CFAP77: variants seen among roughly 807,000 people sequenced by gnomAD.
The protein encoded by CFAP77 is cilia and flagella associated protein 77, also known as cilia- and flagella-associated protein 77.
Under a neutral mutation model 31.1 loss-of-function variants are expected in CFAP77, and 25 were observed. The observed-to-expected ratio is 0.80, with a 90% CI of 0.59 to 1.12. The LOEUF is 1.12. Ranked by LOEUF, CFAP77 falls within the 50% of genes most tolerant of loss-of-function variation. The pLI is 0.00. For synonymous variants in CFAP77, 151 were observed against 159.9 expected (o/e 0.94, Z 0.42); for missense variants, 377 against 397.3 (o/e 0.95, Z 0.44).
chr9:132,451,834 T>C (rs1343356536), intron 1 of CFAP77, among the ~76,000 whole-genome samples: 1 of 150,504 alleles, frequency 6.6e-6, no homozygotes, highest in African/African-American at 2.4e-5. Flanking sequence ...AGAAGGAGTC[T>C]CACTCTGTCG....
Position 132,430,384 on chromosome 9 carries a change from T to A in CFAP77, c.195+19918T>A, listed in dbSNP as rs1589845771. Among the ~76,000 whole-genome samples, 2 of 152,292 alleles carry A rather than the reference T, an allele frequency of 1.3e-5. 1 individual carries two copies. Among genetic ancestry groups the A allele is most frequent in the Admixed American group, 1.3e-4 (2 of 15,302 alleles). On this transcript the variant is annotated intron_variant, in intron 1 of 5. Transcript: ENST00000393216. ...CTAAGATTTTTGCAAGCATTAGATGTCATAATAAACTGGTAAGGAACATTC... is the reference window on the plus strand; with the variant it reads ...CTAAGATTTTTGCAAGCATTAGATGACATAATAAACTGGTAAGGAACATTC...
chr9:132,458,355 G>GGGGGGGT (rs1850964954), intron 1 of CFAP77, among the ~76,000 whole-genome samples: 1 of 133,738 alleles, frequency 7.5e-6, no homozygotes, highest in Non-Finnish European at 1.5e-5. Flanking sequence ...GGGAGGGGGG[G>GGGGGGGT]GGGTGTGTAT....
At chr9:132,551,708 G>A (rs1262741954) in intron 5 of CFAP77, among the ~76,000 whole-genome samples, 1 of 152,246 alleles carries the variant, frequency 6.6e-6, no homozygotes, top group East Asian at 1.9e-4. Context: ...AGGCTCGGAA[G>A]CTTAAAGTCA....
chr9:132,486,317 C>T (rs1321643163), intron 1 of CFAP77, among the ~76,000 whole-genome samples: 1 of 151,262 alleles, frequency 6.6e-6, no homozygotes, highest in Admixed American at 6.6e-5. Flanking sequence ...TGGTCTCGAT[C>T]TCCAGACCTC....
Position 132,499,422 on chromosome 9 carries a change from C to G in CFAP77, c.346C>G (p.Leu116Val), listed in dbSNP as rs1395160014. ...FKQQPTCPHE[L>V]TRNYIAMNRG... ...GCAGCAGCCCACCTGCCCCCACGAG[C>G]TGACCCGGAATTATATCGCAATGAA... Residue 116 changes from leucine to valine, a missense_variant, in exon 3 of 6, where the codon CTG becomes GTG. Leu to Val is a conservative substitution (Grantham distance 32, BLOSUM62 1). Transcript: ENST00000393216. The surrounding 1 kb of genome is among the most constrained non-coding windows in gnomAD (Gnocchi z 5.4). The G allele has an allele frequency of 6.2e-7, 1 of 1,614,236 alleles. No individual in the cohort carries two copies. The highest frequency in any genetic ancestry group is 2.2e-5 in the East Asian group (1 of 44,880).
intron 1 of CFAP77, among the ~76,000 whole-genome samples, chr9:132,426,002 T>A (rs999483): frequency 2.0e-5 from 3 of 152,218 alleles, no homozygotes; most frequent in Admixed American, 2.0e-4. Context: ...TACATGAAAG[T>A]GACTTGTTCA....
chr9:132,546,996 C>T (rs1451571464), intron 5 of CFAP77, among the ~76,000 whole-genome samples: 1 of 152,228 alleles, frequency 6.6e-6, no homozygotes, highest in Admixed American at 6.5e-5. Context: ...CAGGGTGAGC[C>T]AGCAGGGGGA....
At chr9:132,420,197 G>A (rs1379810288) in intron 1 of CFAP77, among the ~76,000 whole-genome samples, 1 of 151,358 alleles carries the variant, frequency 6.6e-6, no homozygotes, top group African/African-American at 2.4e-5. Flanking sequence ...GGTGATGAGA[G>A]GCCAGAATGC....
chr9:132,531,281 C>T (rs1342170114), intron 3 of CFAP77, among the ~76,000 whole-genome samples: 2 of 152,314 alleles, frequency 1.3e-5, no homozygotes, highest in East Asian at 3.9e-4. Flanking sequence ...CAGTTCACAC[C>T]AGATATAAAC....
chr9:132,460,361 T>C (rs1167726292), intron 1 of CFAP77, among the ~76,000 whole-genome samples: 2 of 152,158 alleles, frequency 1.3e-5, no homozygotes, highest in African/African-American at 2.4e-5. Flanking sequence ...TCAAGAATGT[T>C]TGAACGTCCA....
intron 1 of CFAP77, among the ~76,000 whole-genome samples, chr9:132,436,348 C>T (rs551157030): frequency 1.3e-5 from 2 of 152,244 alleles, no homozygotes; most frequent in African/African-American, 2.4e-5. Context: ...GGGCACTTTT[C>T]GTTGAATTTA....
chr9:132,537,111 C>A (rs896043475), intron 3 of CFAP77, among the ~76,000 whole-genome samples: 1 of 152,022 alleles, frequency 6.6e-6, no homozygotes, highest in Non-Finnish European at 1.5e-5. Context: ...AGCTGAGGAG[C>A]CAAGGGAGGG....
At chr9:132,422,816 G>A (rs1850243622) in intron 1 of CFAP77, among the ~76,000 whole-genome samples, 1 of 152,168 alleles carries the variant, frequency 6.6e-6, no homozygotes, top group African/African-American at 2.4e-5. Context: ...GGCGGACAAA[G>A]GGATACACTC....
At chr9:132,529,520 C>CAAAAAAAAAAAACA (rs376224942) in intron 3 of CFAP77, among the ~76,000 whole-genome samples, 11 of 123,408 alleles carry the variant, frequency 8.9e-5, no homozygotes, top group African/African-American at 1.4e-4. Flanking sequence ...AAAAAAAAAA[C>CAAAAAAAAAAAACA]AAAAAAAAAA....
At position 132,502,265 on chromosome 9, in the gene CFAP77, A is replaced by ATATTT. The variant is rs1469260414; in HGVS notation, c.524+2666_524+2667insATTTT. On this transcript the variant is annotated intron_variant, in intron 3 of 5. Transcript: ENST00000393216. ...ACTGTGCCATCATATATATATATAT[A>ATATTT]TTTTTTTTTTTTGGGGGAGGGGGGT... 6.1e-4 allele frequency among the ~76,000 whole-genome samples: 51 copies of ATATTT among 83,884 alleles called. No homozygotes were observed. In the South Asian group the frequency reaches 8.3e-3, roughly 14 times the overall value. 55.0% of individuals were successfully genotyped at this position (83,884 alleles called of 152,430 possible).
At chr9:132,566,731 A>G (rs1238939212) in intron 5 of CFAP77, among the ~76,000 whole-genome samples, 3 of 152,118 alleles carry the variant, frequency 2.0e-5, no homozygotes, top group African/African-American at 7.2e-5. Context: ...CCCAGGCACT[A>G]AGCATCTCCT....
chr9:132,433,316 C>T (rs1850445195), intron 1 of CFAP77, among the ~76,000 whole-genome samples: 1 of 152,174 alleles, frequency 6.6e-6, no homozygotes, highest in Non-Finnish European at 1.5e-5. Flanking sequence ...TTCTGTTTGC[C>T]AGCCGTACTC....
At position 132,485,998 on chromosome 9, in the gene CFAP77, A is replaced by ATG. The variant is rs1564222861; in HGVS notation, c.196-12696_196-12695insGT. Among the ~76,000 whole-genome samples, 2 of 6,776 alleles carry ATG rather than the reference A, an allele frequency of 3.0e-4. 1 individual carries two copies. The highest frequency in any genetic ancestry group is 4.6e-4 in the Non-Finnish European group (2 of 4,366). The allele number at this position is 6,776 out of a possible 152,430, so 4.4% of individuals were successfully genotyped here. A position where few individuals can be genotyped will look rare whatever the true frequency, so the allele number is the denominator to read the frequency against. On this transcript the variant is annotated intron_variant, in intron 1 of 5. Coordinates refer to ENST00000393216, the MANE Select transcript of CFAP77 (RefSeq NM_001282957.2). The stretch of plus-strand genomic sequence containing the variant: ...GAACACACACCTCATATATATATAT[A>ATG]TATATATATATATATATATATATAT...
intron 3 of CFAP77, among the ~76,000 whole-genome samples, chr9:132,537,350 C>T (rs1350514936): frequency 6.6e-6 from 1 of 152,098 alleles, no homozygotes; most frequent in Non-Finnish European, 1.5e-5. Flanking sequence ...TGAGAAAGAG[C>T]TCAGAGGACC....
Sources: allele counts gnomAD v4.1 joint callset (sites outside exome capture counted in the v4.1 genomes callset), GRCh38; gene constraint gnomAD v4.1.1; non-coding constraint Gnocchi (gnomAD v3.1); transcripts MANE v1.5; gene names NCBI Gene and HGNC (gene_info 2026-07-23, HGNC 2026-07-21).